Variants in CSMD1 observed in about 807,000 individuals in gnomAD.
CSMD1 encodes the protein CUB and Sushi multiple domains 1.
A neutral mutation model predicts 417.5 loss-of-function variants in CSMD1; 213 were observed. The ratio of observed to expected loss-of-function variants is 0.51; its 90% CI spans 0.46 to 0.57. The LOEUF is 0.57. Ranked by LOEUF, CSMD1 falls within the 20% of genes least tolerant of loss-of-function variation. The pLI, the probability that CSMD1 is intolerant of heterozygous loss-of-function variation, is 0.00. For missense variants in CSMD1, 6,923 were observed against 4,529.7 expected (o/e 1.53, Z -15.17); for synonymous variants, 2,862 against 1,736.8 (o/e 1.65, Z -16.11).
chr8:4,740,860 T>C (rs2117003669), intron 1 of CSMD1, among the ~76,000 whole-genome samples: 1 of 152,344 alleles, frequency 6.6e-6, no homozygotes, highest in East Asian at 1.9e-4. Flanking sequence ...TTTAACGAAC[T>C]TCTTCCCTGA....
At chr8:4,636,204 T>G (rs998871256) in intron 2 of CSMD1, among the ~76,000 whole-genome samples, 18 of 152,140 alleles carry the variant, frequency 1.2e-4, no homozygotes, top group African/African-American at 4.3e-4. Context: ...GTTAATTTTG[T>G]TAGGAAAATC....
intron 5 of CSMD1, among the ~76,000 whole-genome samples, chr8:3,909,430 C>T (rs2688319): frequency 0.65 from 98,343 of 151,892 alleles, 32,804 homozygotes; most frequent in South Asian, 0.8. Context: ...GGGCAGGATA[C>T]GCAGAAAAAG....
intron 1 of CSMD1, among the ~76,000 whole-genome samples, chr8:4,795,323 G>A (rs953498067): frequency 4.2e-5 from 5 of 119,986 alleles, no homozygotes; most frequent in Non-Finnish European, 8.0e-5. Context: ...CTAGGCTGGA[G>A]TGCAGTGACA....
At chr8:3,918,140 C>T (rs142658028) in intron 5 of CSMD1, among the ~76,000 whole-genome samples, 1 of 152,062 alleles carries the variant, frequency 6.6e-6, no homozygotes, top group Non-Finnish European at 1.5e-5. Context: ...ATTGCTAATA[C>T]TGCTCCAGTA....
intron 41 of CSMD1, among the ~76,000 whole-genome samples, chr8:3,141,915 A>G (rs1818515538): frequency 1.3e-5 from 2 of 150,766 alleles, no homozygotes; most frequent in African/African-American, 4.9e-5. Flanking sequence ...CTCCTGCCTC[A>G]GCCTCCCGAG....
At chr8:4,646,059 T>A (rs1337890326) in intron 1 of CSMD1, among the ~76,000 whole-genome samples, 51 of 152,290 alleles carry the variant, frequency 3.3e-4, no homozygotes, top group Admixed American at 3.2e-3. Flanking sequence ...TTTTTTTGCC[T>A]GAAACAGGTG....
intron 1 of CSMD1, among the ~76,000 whole-genome samples, chr8:4,886,935 G>C (rs188990894): frequency 2.0e-5 from 3 of 151,744 alleles, no homozygotes; most frequent in Non-Finnish European, 4.4e-5. Flanking sequence ...ACCAACTTTT[G>C]ATTTCACTCA....
chr8:3,274,280 G>C (rs1437739464), intron 26 of CSMD1, among the ~76,000 whole-genome samples: 2 of 152,066 alleles, frequency 1.3e-5, no homozygotes, highest in East Asian at 1.9e-4. Flanking sequence ...TGATTGCACT[G>C]TGGTCTGAGA....
intron 1 of CSMD1, among the ~76,000 whole-genome samples, chr8:4,701,290 T>A (rs1359515671): frequency 2.0e-5 from 3 of 149,144 alleles, no homozygotes; most frequent in African/African-American, 7.5e-5. Context: ...CTTCGAAGGC[T>A]GCTTTTGAGC....
intron 7 of CSMD1, among the ~76,000 whole-genome samples, chr8:3,646,351 A>G (rs1257611605): frequency 6.6e-6 from 1 of 152,218 alleles, no homozygotes; most frequent in Non-Finnish European, 1.5e-5. Context: ...ATATTTTTAT[A>G]TGTATTTTCC....
chr8:3,722,201 C>T (rs1028854857), intron 6 of CSMD1, among the ~76,000 whole-genome samples: 11 of 152,064 alleles, frequency 7.2e-5, no homozygotes, highest in Admixed American at 3.3e-4. Flanking sequence ...CCCACCTACT[C>T]GGGAGGCTGA....
chr8:3,797,821 A>G (rs1439693511), intron 5 of CSMD1, among the ~76,000 whole-genome samples: 1 of 152,014 alleles, frequency 6.6e-6, no homozygotes, highest in East Asian at 1.9e-4. Context: ...CTGACTTCAT[A>G]TAAAAGCACT....
chr8:4,928,076 C>T (rs1399105231), intron 1 of CSMD1, among the ~76,000 whole-genome samples: 3 of 152,246 alleles, frequency 2.0e-5, no homozygotes, highest in Admixed American at 1.3e-4. Context: ...CCTGTGGCCT[C>T]TCTGAGCTCC....
intron 3 of CSMD1, among the ~76,000 whole-genome samples, chr8:4,107,415 G>A (rs892097859): frequency 4.6e-5 from 7 of 152,274 alleles, no homozygotes; most frequent in East Asian, 1.9e-4. Flanking sequence ...AGCAGAAAAT[G>A]TCTTGATACA....
chr8:3,544,418 G>C (rs1158659485), intron 10 of CSMD1, among the ~76,000 whole-genome samples: 1 of 152,032 alleles, frequency 6.6e-6, no homozygotes, highest in African/African-American at 2.4e-5. Context: ...CATTTTACCT[G>C]GGATGGAGGC....
chr8:3,220,150 CA>C lies in CSMD1; in HGVS notation c.4485-709del, dbSNP rs756296256. 2.5e-3 allele frequency among the ~76,000 whole-genome samples: 281 copies of C among 113,978 alleles called. 2 individuals carry two copies. Among genetic ancestry groups the C allele is most frequent in the Middle Eastern group, 9.0e-3 (2 of 222 alleles). 74.8% of individuals were successfully genotyped at this position (113,978 alleles called of 152,430 possible). A position where few individuals can be genotyped will look rare whatever the true frequency, so the allele number is the denominator to read the frequency against. ...CCTGAGAGACAGAACAAGACCCTGT[CA>C]AAAAAAAAAAAAGACTCCACTTGCG... On this transcript the variant is annotated intron_variant, in intron 28 of 69. Coordinates refer to ENST00000635120, the MANE Select transcript of CSMD1 (RefSeq NM_033225.6).
intron 3 of CSMD1, among the ~76,000 whole-genome samples, chr8:4,097,824 C>A (rs959552901): frequency 6.6e-6 from 1 of 152,144 alleles, no homozygotes; most frequent in African/African-American, 2.4e-5. Flanking sequence ...TATGTTTGCC[C>A]TGTCTATTGT....
intron 7 of CSMD1, among the ~76,000 whole-genome samples, chr8:3,705,983 C>G (rs991163823): frequency 6.6e-6 from 1 of 152,210 alleles, no homozygotes; most frequent in Non-Finnish European, 1.5e-5. Context: ...CACTTTCATA[C>G]TCAGTCTCCT....
chr8:4,234,531 G>A (rs571210523), intron 3 of CSMD1, among the ~76,000 whole-genome samples: 41 of 152,204 alleles, frequency 2.7e-4, no homozygotes, highest in African/African-American at 9.1e-4. Flanking sequence ...ACTCCTAAAT[G>A]TTCCTATCCC....
Sources: allele counts gnomAD v4.1 joint callset (sites outside exome capture counted in the v4.1 genomes callset), GRCh38; gene constraint gnomAD v4.1.1; transcripts MANE v1.5; gene names NCBI Gene and HGNC (gene_info 2026-07-23, HGNC 2026-07-21).